NRXN1: variants seen among roughly 807,000 people sequenced by gnomAD.
The protein encoded by NRXN1 is neurexin-1.
In NRXN1, 39 loss-of-function variants were observed where a neutral mutation model predicts 150.9. That is an observed-to-expected ratio of 0.26 (90% CI 0.20 to 0.34). The LOEUF is 0.34. NRXN1 is among the 10% of genes least tolerant of loss of function. The probability of loss-of-function intolerance (pLI) is 1.00; values close to 1 mark genes in which losing one functional copy is unlikely to be tolerated. For missense variants in NRXN1, 1,815 were observed against 1,949.9 expected (o/e 0.93, Z 1.30); for synonymous variants, 924 against 757.0 (o/e 1.22, Z -3.62).
At chr2:50,747,569 C>T (rs929425782) in intron 5 of NRXN1, among the ~76,000 whole-genome samples, 9 of 152,014 alleles carry the variant, frequency 5.9e-5, no homozygotes, top group Non-Finnish European at 1.2e-4. Flanking sequence ...ATTCCAACTT[C>T]GATTCAGACA....
chr2:50,526,325 C>T (rs1290060343), intron 12 of NRXN1, among the ~76,000 whole-genome samples: 1 of 152,040 alleles, frequency 6.6e-6, no homozygotes. Flanking sequence ...ATTAATTTCA[C>T]AATACAGTTG....
chr2:50,682,209 A>C (rs1690509390), intron 5 of NRXN1, among the ~76,000 whole-genome samples: 1 of 152,182 alleles, frequency 6.6e-6, no homozygotes, highest in African/African-American at 2.4e-5. Flanking sequence ...GGGTGAGACT[A>C]TGTAGATGCC....
At chr2:50,701,616 A>G (rs1212519435) in intron 5 of NRXN1, among the ~76,000 whole-genome samples, 1 of 152,204 alleles carries the variant, frequency 6.6e-6, no homozygotes, top group Non-Finnish European at 1.5e-5. Flanking sequence ...TCCTGCATAT[A>G]AATCCCCATC....
chr2:50,141,993 T>C (rs578082784), intron 18 of NRXN1, among the ~76,000 whole-genome samples: 18 of 152,010 alleles, frequency 1.2e-4, no homozygotes, highest in African/African-American at 4.3e-4. Flanking sequence ...GGAATACCTG[T>C]CCCCCTATCA....
intron 8 of NRXN1, among the ~76,000 whole-genome samples, chr2:50,610,515 A>C (rs1677864902): frequency 6.6e-6 from 1 of 150,710 alleles, no homozygotes; most frequent in South Asian, 2.1e-4. Context: ...TACCTCACTT[A>C]GGAAGCTTGT....
In NRXN1 at chr2:50,091,509, G is replaced by T; in HGVS notation, c.3547-15C>A. On this transcript the variant is annotated splice_polypyrimidine_tract_variant and intron_variant, in intron 18 of 22. Transcript: ENST00000401669. ...TTTCCCTGGTGCTGTAAGAGAGGAG[G>T]GGAAAAAAGAGTTGAATTAAGTTGA... 6.2e-7 allele frequency: 1 copy of T among 1,613,380 alleles called. No homozygotes were observed. The highest frequency in any genetic ancestry group is 8.5e-7 in the Non-Finnish European group (1 of 1,179,676).
At chr2:50,877,487 T>A (rs1441701441) in intron 5 of NRXN1, among the ~76,000 whole-genome samples, 1 of 151,896 alleles carries the variant, frequency 6.6e-6, no homozygotes, top group Non-Finnish European at 1.5e-5. Context: ...CAATCACATC[T>A]TTTCTGAATC....
chr2:50,084,679 C>T (rs1019925729), intron 19 of NRXN1, among the ~76,000 whole-genome samples: 1 of 152,172 alleles, frequency 6.6e-6, no homozygotes, highest in African/African-American at 2.4e-5. Context: ...GGCTGAAGGG[C>T]TCCTCAAGCG....
intron 19 of NRXN1, among the ~76,000 whole-genome samples, chr2:50,063,955 G>GT (rs1694956697): frequency 6.6e-6 from 1 of 152,060 alleles, no homozygotes; most frequent in Non-Finnish European, 1.5e-5. Context: ...TAACATAGTG[G>GT]TATTTCTTGT....
chr2:50,017,583 A>T (rs1469794), intron 21 of NRXN1, among the ~76,000 whole-genome samples: 83,405 of 151,872 alleles, frequency 0.55, 23,379 homozygotes, highest in East Asian at 0.62. Flanking sequence ...GAACAGCTCA[A>T]TGAATTCTGG....
Position 49,922,065 on chromosome 2 carries a change from C to T in NRXN1, c.4403G>A (p.Ser1468Asn). Residue 1468 changes from serine to asparagine, a missense_variant, in exon 23 of 23, where the codon AGT becomes AAT. By Grantham distance (46) the Ser-to-Asn change is conservative. Around this residue, in one of 6 missense-constraint regions of NRXN1, gnomAD observed 265 missense variants for 307.1 expected, o/e 0.86. Coordinates refer to ENST00000401669, the MANE Select transcript of NRXN1 (RefSeq NM_001330078.2). ...RDEGSYHVDE[S>N]RNYISNSAQS... ...TGCTGAGTTACTGATGTAGTTTCGA[C>T]TCTCGTCCACATGGTATGAGCCTTC... The T allele has an allele frequency of 6.2e-7, 1 of 1,614,152 alleles. No homozygotes were observed. Among genetic ancestry groups the T allele is most frequent in the Non-Finnish European group, 8.5e-7 (1 of 1,180,018 alleles).
intron 5 of NRXN1, among the ~76,000 whole-genome samples, chr2:50,906,285 G>A (rs1324001452): frequency 6.6e-6 from 1 of 151,998 alleles, no homozygotes; most frequent in Non-Finnish European, 1.5e-5. Flanking sequence ...CTCTTCCTTT[G>A]ACTCCTCATC....
chr2:50,927,031 A>T (rs1173990902), intron 2 of NRXN1, among the ~76,000 whole-genome samples: 3 of 151,990 alleles, frequency 2.0e-5, no homozygotes, highest in Non-Finnish European at 4.4e-5. Flanking sequence ...TTCAGTAGTT[A>T]TCAAAAATGT....
intron 8 of NRXN1, chr2:50,615,756 T>C (rs151029143): frequency 2.6e-5 from 4 of 152,302 alleles, no homozygotes; most frequent in East Asian, 1.9e-4. Context: ...GATGTCCTCA[T>C]AGAGTCTGAG....
At chr2:50,494,203 C>T (rs867387044) in intron 15 of NRXN1, among the ~76,000 whole-genome samples, 1 of 152,202 alleles carries the variant, frequency 6.6e-6, no homozygotes, top group African/African-American at 2.4e-5. Context: ...GCTGTACATG[C>T]CACATACTTC....
At chr2:50,644,539 A>G (rs1684522221) in intron 5 of NRXN1, among the ~76,000 whole-genome samples, 1 of 151,644 alleles carries the variant, frequency 6.6e-6, no homozygotes, top group African/African-American at 2.4e-5. Context: ...AAACTAAAGA[A>G]TAATACATCC....
intron 17 of NRXN1, among the ~76,000 whole-genome samples, chr2:50,338,003 C>CACAAAACGTTATCCACTA (rs2077301794): frequency 6.6e-6 from 1 of 152,186 alleles, no homozygotes; most frequent in Admixed American, 6.5e-5. Context: ...TTAGTTATGG[C>CACAAAACGTTATCCACTA]ACAAAACGTT....
At chr2:50,083,606 G>T (rs1208755482) in intron 19 of NRXN1, among the ~76,000 whole-genome samples, 1 of 152,128 alleles carries the variant, frequency 6.6e-6, no homozygotes, top group Non-Finnish European at 1.5e-5. Flanking sequence ...CCCAGCAGGT[G>T]GCCAGGGCTG....
intron 8 of NRXN1, among the ~76,000 whole-genome samples, chr2:50,610,613 C>A (rs1203715203): frequency 1.6e-5 from 2 of 121,414 alleles, no homozygotes; most frequent in African/African-American, 6.0e-5. Flanking sequence ...GTGTCTAGCA[C>A]AGAGCCTGGC....
Sources: allele counts gnomAD v4.1 joint callset (sites outside exome capture counted in the v4.1 genomes callset), GRCh38; gene constraint gnomAD v4.1.1; regional missense constraint gnomAD v4.1.1; transcripts MANE v1.5; gene names NCBI Gene and HGNC (gene_info 2026-07-23, HGNC 2026-07-21).